The following MCM9 variants were observed in gnomAD, a reference collection of about 807,000 sequenced individuals.
MCM9 encodes the protein DNA helicase MCM9.
MCM9 carries 55 observed loss-of-function variants against 72.8 expected under a neutral mutation model. The observed-to-expected ratio is 0.76, with a 90% confidence interval of 0.61 to 0.95. MCM9 has a LOEUF of 0.95. Ranked by LOEUF, MCM9 falls within the 40% of genes least tolerant of loss-of-function variation. MCM9 has a pLI of 0.00. For missense variants in MCM9, 1,279 were observed against 1,377.0 expected (o/e 0.93, Z 1.13); for synonymous variants, 480 against 503.4 (o/e 0.95, Z 0.62).
At chr6:118,856,995 C>T (rs1370090463) in intron 8 of MCM9, among the ~76,000 whole-genome samples, 3 of 152,216 alleles carry the variant, frequency 2.0e-5, no homozygotes, top group Non-Finnish European at 4.4e-5. Flanking sequence ...GGCATCAGGA[C>T]AATTGCTTCA....
chr6:118,894,625 CG>C, intron 8 of MCM9: 1 of 1,015,296 alleles, frequency 9.8e-7, no homozygotes, highest in Non-Finnish European at 1.5e-6. Flanking sequence ...CGGCGCCTGG[CG>C]GCCGCGGGCT....
intron 8 of MCM9, among the ~76,000 whole-genome samples, chr6:118,889,423 A>G (rs1778807127): frequency 6.6e-6 from 1 of 152,250 alleles, no homozygotes; most frequent in Non-Finnish European, 1.5e-5. Context: ...TTGTACGAGC[A>G]GTGGTCTAGC....
At chr6:118,887,423 A>C (rs1050215226) in intron 8 of MCM9, among the ~76,000 whole-genome samples, 20 of 152,352 alleles carry the variant, frequency 1.3e-4, no homozygotes, top group Non-Finnish European at 2.8e-4. Context: ...CTGGACAAGC[A>C]CATGCAAAAG....
chr6:118,894,611 T>C lies in MCM9; in HGVS notation c.1150+17039A>G. The C allele has an allele frequency of 3.4e-6, 4 of 1,178,638 alleles. No homozygotes were observed. In the South Asian group the frequency reaches 5.3e-5, roughly 16 times the overall value. 73.0% of individuals were successfully genotyped at this position (1,178,638 alleles called of 1,614,324 possible). On this transcript the variant is annotated intron_variant, in intron 8 of 13. Transcript: ENST00000619706. ...GGCCGGGCCTCGCGCTGGGCGGCTGTGTTCGGCGCCTGGCGGCCGCGGGCT... is the reference window on the plus strand; with the variant it reads ...GGCCGGGCCTCGCGCTGGGCGGCTGCGTTCGGCGCCTGGCGGCCGCGGGCT...
In MCM9 at chr6:118,918,910, G is replaced by A. The variant is rs574103986; in HGVS notation, c.704-1149C>T. On this transcript the variant is annotated intron_variant, in intron 5 of 13. Transcript: ENST00000619706. ...ACTGGTGGTGCCAATCCACAGAATA[G>A]AAGGCACATTTCTAGTTTAAGGCAA... 2.0e-5 allele frequency: 3 copies of A among 152,284 alleles called. No homozygotes were observed. The South Asian group carries it at 6.2e-4, about 32-fold the overall frequency. 9.4% of individuals were successfully genotyped at this position (152,284 alleles called of 1,614,324 possible).
chr6:118,857,828 C>T (rs939871943), intron 8 of MCM9, among the ~76,000 whole-genome samples: 2 of 152,026 alleles, frequency 1.3e-5, no homozygotes, highest in Non-Finnish European at 2.9e-5. Flanking sequence ...CAGATAACTT[C>T]CATAATCCTT....
At chr6:118,915,251 G>T (rs1366586725) in intron 6 of MCM9, among the ~76,000 whole-genome samples, 1 of 152,178 alleles carries the variant, frequency 6.6e-6, no homozygotes, top group Non-Finnish European at 1.5e-5. Flanking sequence ...AAATGCATTA[G>T]CACCAGTACT....
intron 9 of MCM9, among the ~76,000 whole-genome samples, chr6:118,832,542 T>C (rs983946255): frequency 6.6e-6 from 1 of 152,220 alleles, no homozygotes; most frequent in Non-Finnish European, 1.5e-5. Context: ...ATTTACAGGC[T>C]TTGTCATAAA....
At chr6:118,839,173 T>C (rs964687368) in intron 9 of MCM9, among the ~76,000 whole-genome samples, 4 of 151,984 alleles carry the variant, frequency 2.6e-5, no homozygotes, top group Non-Finnish European at 5.9e-5. Context: ...TTCATTAAGT[T>C]GATCTTCAAT....
intron 8 of MCM9, among the ~76,000 whole-genome samples, chr6:118,898,805 C>G (rs1779610704): frequency 6.6e-6 from 1 of 152,180 alleles, no homozygotes; most frequent in Non-Finnish European, 1.5e-5. Context: ...CTTCACTTGG[C>G]TTTTGGGTCA....
intron 8 of MCM9, chr6:118,894,588 C>G (rs1427196375): frequency 2.2e-5 from 29 of 1,348,820 alleles, no homozygotes; most frequent in Non-Finnish European, 3.0e-5. Flanking sequence ...GTTTCCCGGG[C>G]CGGGCCTCGC....
intron 8 of MCM9, among the ~76,000 whole-genome samples, chr6:118,874,424 G>A (rs1285538118): frequency 6.6e-6 from 1 of 152,096 alleles, no homozygotes; most frequent in Non-Finnish European, 1.5e-5. Flanking sequence ...TAAGAATAGA[G>A]GAGCAACTTC....
intron 9 of MCM9, among the ~76,000 whole-genome samples, chr6:118,855,435 A>G (rs966728082): frequency 1.3e-5 from 2 of 152,156 alleles, no homozygotes; most frequent in African/African-American, 2.4e-5. Flanking sequence ...TTTAATGAGT[A>G]TATATATTTA....
At chr6:118,901,730 T>C (rs576828818) in intron 8 of MCM9, among the ~76,000 whole-genome samples, 1 of 152,362 alleles carries the variant, frequency 6.6e-6, no homozygotes, top group South Asian at 2.1e-4. Context: ...ATAGGTTTTT[T>C]AAAACTACTA....
At chr6:118,914,760 A>G (rs1275657975) in intron 6 of MCM9, among the ~76,000 whole-genome samples, 1 of 152,176 alleles carries the variant, frequency 6.6e-6, no homozygotes, top group Non-Finnish European at 1.5e-5. Context: ...ATAAGCCAAA[A>G]CTTAGAGCCA....
At chr6:118,886,693 G>A (rs1045140408) in intron 8 of MCM9, among the ~76,000 whole-genome samples, 1 of 152,138 alleles carries the variant, frequency 6.6e-6, no homozygotes, top group Non-Finnish European at 1.5e-5. Flanking sequence ...AGTGGCTCAC[G>A]CTGTAATCTC....
chr6:118,818,622 G>A (rs1053334220), intron 13 of MCM9, among the ~76,000 whole-genome samples: 3 of 152,126 alleles, frequency 2.0e-5, no homozygotes, highest in African/African-American at 7.2e-5. Flanking sequence ...CTCTATTTTG[G>A]TTCCATATGA....
intron 6 of MCM9, among the ~76,000 whole-genome samples, chr6:118,915,801 T>A (rs947252110): frequency 2.2e-4 from 34 of 152,224 alleles, no homozygotes; most frequent in African/African-American, 8.2e-4. Context: ...GCTATCTTCC[T>A]ACTTATATTT....
At chr6:118,820,149 C>G (rs986294311) in intron 13 of MCM9, among the ~76,000 whole-genome samples, 7 of 151,948 alleles carry the variant, frequency 4.6e-5, no homozygotes, top group African/African-American at 1.7e-4. Flanking sequence ...TTAGTTATTT[C>G]TTGTCTTCTG....
Sources: allele counts gnomAD v4.1 joint callset (sites outside exome capture counted in the v4.1 genomes callset), GRCh38; gene constraint gnomAD v4.1.1; transcripts MANE v1.5; gene names NCBI Gene and HGNC (gene_info 2026-07-23, HGNC 2026-07-21).